The following LGI1 variants were observed in gnomAD, a reference collection of about 807,000 sequenced individuals.
LGI1 encodes the protein leucine rich glioma inactivated 1, also known as leucine-rich glioma-inactivated protein 1.
A neutral mutation model predicts 57.7 loss-of-function variants in LGI1; 11 were observed. The ratio of observed to expected loss-of-function variants is 0.19; its 90% confidence interval spans 0.12 to 0.32. The LOEUF is 0.32. Ranked by LOEUF, LGI1 falls within the 10% of genes least tolerant of loss-of-function variation. The pLI is 1.00. For missense variants in LGI1, 422 were observed against 661.9 expected, an observed-to-expected ratio of 0.64 and a Z score of 3.98; for synonymous variants, 222 against 241.9, an observed-to-expected ratio of 0.92 and a Z score of 0.76.
intron 2 of LGI1, chr10:93,763,053 T>C (rs1447221530): frequency 6.6e-6 from 1 of 152,290 alleles, no homozygotes; most frequent in Admixed American, 6.5e-5. Flanking sequence ...CTGCATTTCA[T>C]TCACTGTTTC....
chr10:93,760,966 G>T (rs1052532040), intron 2 of LGI1, among the ~76,000 whole-genome samples: 1 of 152,154 alleles, frequency 6.6e-6, no homozygotes, highest in East Asian at 1.9e-4. Context: ...ATTGTCAGGG[G>T]CCAAAGTTTG....
In LGI1 at chr10:93,757,996, G is replaced by T; in HGVS notation, c.-149G>T. ...ATTGCTGGAGCGAGGAGAAGCTCAC[G>T]AATCAGCTGCAGGTCTCTGTTTTGA... On this transcript the variant is annotated 5_prime_UTR_variant, in exon 1 of 8. Transcript: ENST00000371418. 2 of 732,044 alleles carry T rather than the reference G, an allele frequency of 2.7e-6. No homozygotes were observed. The highest frequency in any genetic ancestry group is 4.8e-6 in the Non-Finnish European group (2 of 413,126). The allele number at this position is 732,044 out of a possible 1,614,324, so 45.3% of individuals were successfully genotyped here.
intron 4 of LGI1, among the ~76,000 whole-genome samples, chr10:93,785,988 C>T (rs978747252): frequency 2.2e-5 from 1 of 45,394 alleles, no homozygotes; most frequent in African/African-American, 3.1e-5. Flanking sequence ...CTCAGCAGCC[C>T]TCCGCTGCAG....
chr10:93,760,418 C>T (rs1248539038), intron 2 of LGI1, among the ~76,000 whole-genome samples: 2 of 152,216 alleles, frequency 1.3e-5, no homozygotes, highest in African/African-American at 4.8e-5. Context: ...CTGGTCCTCA[C>T]TTGTTAAATG....
rs571736665 is a variant in LGI1 at position 93,757,962 on chromosome 10, G to A, written c.-183G>A. On this transcript the variant is annotated 5_prime_UTR_variant, in exon 1 of 8. Transcript: ENST00000371418. The stretch of plus-strand genomic sequence containing the variant: ...CAGTACCTCACAGGTCTCTTCCCCC[G>A]AGCAGTGCATTGCTGGAGCGAGGAG... 2.7e-4 allele frequency: 176 copies of A among 655,140 alleles called. 7 individuals carry two copies. The South Asian group carries it at 3.0e-3, about 11-fold the overall frequency. The allele number at this position is 655,140 out of a possible 1,614,324, so 40.6% of individuals were successfully genotyped here.
At chr10:93,767,825 T>C (rs893799521) in intron 2 of LGI1, 14 of 152,192 alleles carry the variant, frequency 9.2e-5, no homozygotes, top group African/African-American at 2.9e-4. Flanking sequence ...AGATGACTTC[T>C]TGCAGCTCAT....
chr10:93,766,300 A>G (rs1226676131), intron 2 of LGI1, among the ~76,000 whole-genome samples: 1 of 152,190 alleles, frequency 6.6e-6, no homozygotes, highest in Non-Finnish European at 1.5e-5. Flanking sequence ...CTTTAAAAAT[A>G]CAAACTAGAA....
chr10:93,790,016 G>A (rs921954988), intron 4 of LGI1, 83 bp from the exon 5 acceptor site: 12 of 1,304,650 alleles, frequency 9.2e-6, no homozygotes, highest in Non-Finnish European at 1.3e-5. Flanking sequence ...TGACAAAAGA[G>A]ACTCATCACT....
intron 2 of LGI1, among the ~76,000 whole-genome samples, chr10:93,775,462 G>C (rs1454194039): frequency 6.6e-6 from 1 of 152,064 alleles, no homozygotes; most frequent in African/African-American, 2.4e-5. Flanking sequence ...CCGGGGCTGG[G>C]GACACCAAAA....
chr10:93,778,021 A>G (rs1268964153), intron 4 of LGI1, among the ~76,000 whole-genome samples: 2 of 152,192 alleles, frequency 1.3e-5, no homozygotes, highest in Non-Finnish European at 2.9e-5. Flanking sequence ...TCTTCATAGT[A>G]CCTGATCAAC....
intron 4 of LGI1, among the ~76,000 whole-genome samples, chr10:93,784,384 A>T (rs2059878480): frequency 6.6e-6 from 1 of 152,210 alleles, no homozygotes; most frequent in Non-Finnish European, 1.5e-5. Context: ...GAAAATGACA[A>T]AGCTGTGATT....
At chr10:93,774,921 A>C (rs182111456) in intron 2 of LGI1, among the ~76,000 whole-genome samples, 34 of 152,340 alleles carry the variant, frequency 2.2e-4, no homozygotes, top group African/African-American at 7.7e-4. Flanking sequence ...ACGTAGGATA[A>C]TAAAATGGAT....
intron 2 of LGI1, among the ~76,000 whole-genome samples, chr10:93,765,967 C>T (rs532957921): frequency 4.2e-5 from 3 of 71,036 alleles, no homozygotes; most frequent in East Asian, 7.0e-4. Flanking sequence ...AAGCCTCCGT[C>T]TCAAAAAAAA....
At chr10:93,760,269 G>T (rs1180492294) in intron 2 of LGI1, among the ~76,000 whole-genome samples, 1 of 152,174 alleles carries the variant, frequency 6.6e-6, no homozygotes, top group Non-Finnish European at 1.5e-5. Flanking sequence ...TGGTGTGACT[G>T]GGGGAAGTGT....
At chr10:93,782,644 A>G (rs1226239222) in intron 4 of LGI1, 1 of 152,214 alleles carries the variant, frequency 6.6e-6, no homozygotes, top group Non-Finnish European at 1.5e-5. Context: ...TCACTGCATA[A>G]CCTCCATTAG....
chr10:93,791,244 G>T (rs1027496458), intron 5 of LGI1: 1 of 152,170 alleles, frequency 6.6e-6, no homozygotes, highest in Admixed American at 6.5e-5. Flanking sequence ...ATCCTCTCTG[G>T]TTTACAGTAG....
Position 93,792,878 on chromosome 10 carries a change from T to G in LGI1, c.639T>G (p.Ser213Arg). 6.2e-7 allele frequency: 1 copy of G among 1,613,998 alleles called. No individual in the cohort carries two copies. The highest frequency in any genetic ancestry group is 8.5e-7 in the Non-Finnish European group (1 of 1,179,964). The change falls in exon 6 of 8, where the codon AGT becomes AGG. Residue 213 changes from serine (S) to arginine (R), a missense_variant. Transcript: ENST00000371418. ...PPEYKKRKIN[S>R]LSSKDFDCII... The stretch of plus-strand genomic sequence containing the variant: ...AATACAAGAAGCGCAAAATCAATAG[T>G]CTCTCCTCGAAGGATTTTGATTGCA...
At chr10:93,785,969 C>T (rs1313983797) in intron 4 of LGI1, among the ~76,000 whole-genome samples, 2 of 45,344 alleles carry the variant, frequency 4.4e-5, no homozygotes, top group African/African-American at 6.1e-5. Context: ...TGCCCCTGAG[C>T]CCGGTGCCCT....
At position 93,777,365 on chromosome 10, in the gene LGI1, C is replaced by T. The variant is rs1213708202; in HGVS notation, c.288-14C>T. 1.2e-6 allele frequency: 2 copies of T among 1,612,548 alleles called. No homozygotes were observed. Among genetic ancestry groups the T allele is most frequent in the South Asian group, 2.2e-5 (2 of 91,054 alleles). ...TCAGTTTCACCATTTTCATTGTGTA[C>T]TTTTTCTGGGCAGGTTATTCACATC... On this transcript the variant is annotated splice_polypyrimidine_tract_variant and intron_variant, in intron 2 of 7. Transcript: ENST00000371418.
Sources: allele counts gnomAD v4.1 joint callset (sites outside exome capture counted in the v4.1 genomes callset), GRCh38; gene constraint gnomAD v4.1.1; transcripts MANE v1.5; gene names NCBI Gene and HGNC (gene_info 2026-07-23, HGNC 2026-07-21).